Variants in MAGI2 observed in about 807,000 individuals in gnomAD.
MAGI2 encodes membrane associated guanylate kinase, WW and PDZ domain containing 2.
MAGI2 carries 35 observed loss-of-function variants against 133.3 expected under a neutral mutation model. The observed-to-expected ratio is 0.26, with a 90% CI of 0.20 to 0.35. MAGI2 has a LOEUF of 0.35. Ranked by LOEUF, MAGI2 falls within the 10% of genes least tolerant of loss-of-function variation. The pLI is 1.00. For synonymous variants in MAGI2, 729 were observed against 710.6 expected, an observed-to-expected ratio of 1.03 and a Z score of -0.41; for missense variants, 1,636 against 1,863.4, an observed-to-expected ratio of 0.88 and a Z score of 2.25.
Position 79,324,669 on chromosome 7 carries a change from AAT to A in MAGI2, c.301+128349_301+128350del, listed in dbSNP as rs869183875. Reference sequence around the variant, plus strand: ...ATATATATATATTATATATATATAAAATATATATATATTATATATATATAAAA... The same window carrying A: ...ATATATATATATTATATATATATAAAATATATATATTATATATATATAAAA... On this transcript the variant is annotated intron_variant, in intron 1 of 21. Coordinates refer to ENST00000354212, the MANE Select transcript of MAGI2 (RefSeq NM_012301.4). 1.5e-3 allele frequency among the ~76,000 whole-genome samples: 12 copies of A among 8,162 alleles called. 4 individuals are homozygous for A. Among genetic ancestry groups the A allele is most frequent in the African/African-American group, 3.7e-3 (12 of 3,204 alleles). The allele number at this position is 8,162 out of a possible 152,430, so 5.4% of individuals were successfully genotyped here. A position where few individuals can be genotyped will look rare whatever the true frequency, so the allele number is the denominator to read the frequency against.
intron 2 of MAGI2, among the ~76,000 whole-genome samples, chr7:78,693,256 T>C (rs1271843503): frequency 1.3e-5 from 2 of 152,174 alleles, no homozygotes; most frequent in Non-Finnish European, 2.9e-5. Flanking sequence ...AAGCACATAA[T>C]ATAGTGCTGG....
intron 2 of MAGI2, among the ~76,000 whole-genome samples, chr7:78,842,916 A>G (rs1792269710): frequency 6.6e-6 from 1 of 151,846 alleles, no homozygotes; most frequent in Non-Finnish European, 1.5e-5. Context: ...GGTTTATCTT[A>G]CACATGAGTA....
In MAGI2 at chr7:79,174,774, C is replaced by A. The variant is rs994806301; in HGVS notation, c.302-167568G>T. 7.3e-5 allele frequency among the ~76,000 whole-genome samples: 11 copies of A among 151,448 alleles called. 1 individual carries two copies. Among genetic ancestry groups the A allele is most frequent in the African/African-American group, 2.4e-4 (10 of 41,090 alleles). ...TGTAGAAAAAATATATAACTGAATA[C>A]AAAATGTTTACTTTCAAAAAAGTAA... is the stretch of plus-strand genomic sequence containing the variant. On this transcript the variant is annotated intron_variant, in intron 1 of 21. Coordinates refer to ENST00000354212, the MANE Select transcript of MAGI2 (RefSeq NM_012301.4).
chr7:78,269,192 G>A (rs1794320424), intron 9 of MAGI2, among the ~76,000 whole-genome samples: 1 of 152,080 alleles, frequency 6.6e-6, no homozygotes, highest in Admixed American at 6.6e-5. Flanking sequence ...TCACTGATGG[G>A]CATTTGGGTT....
At chr7:79,147,863 G>A (rs573733201) in intron 1 of MAGI2, among the ~76,000 whole-genome samples, 12 of 152,240 alleles carry the variant, frequency 7.9e-5, no homozygotes, top group Middle Eastern at 3.4e-3. Flanking sequence ...CTTGTCCTCC[G>A]GCCAGGTATG....
At chr7:78,889,825 G>A (rs1796591908) in intron 2 of MAGI2, among the ~76,000 whole-genome samples, 1 of 152,072 alleles carries the variant, frequency 6.6e-6, no homozygotes, top group Non-Finnish European at 1.5e-5. Flanking sequence ...ATCAACTAAC[G>A]AGCAAAATAA....
intron 3 of MAGI2, among the ~76,000 whole-genome samples, chr7:78,623,982 T>C (rs966737668): frequency 1.3e-5 from 2 of 152,122 alleles, no homozygotes; most frequent in Non-Finnish European, 2.9e-5. Context: ...TACAGCAACC[T>C]CACTAGCATC....
intron 15 of MAGI2, among the ~76,000 whole-genome samples, chr7:78,161,181 C>G (rs1218174065): frequency 1.3e-5 from 2 of 152,108 alleles, no homozygotes; most frequent in Non-Finnish European, 2.9e-5. Context: ...ATAAACCAAA[C>G]TAATACTTTC....
At chr7:78,399,001 T>C (rs1378823238) in intron 6 of MAGI2, among the ~76,000 whole-genome samples, 1 of 152,220 alleles carries the variant, frequency 6.6e-6, no homozygotes, top group East Asian at 1.9e-4. Context: ...TACCAGGCAA[T>C]ACTTTCCAGT....
intron 6 of MAGI2, among the ~76,000 whole-genome samples, chr7:78,448,106 T>G (rs1430413108): frequency 1.3e-5 from 2 of 152,108 alleles, no homozygotes; most frequent in Non-Finnish European, 2.9e-5. Context: ...GATTTCCTTC[T>G]TTTTATGACT....
intron 10 of MAGI2, among the ~76,000 whole-genome samples, chr7:78,239,024 G>C (rs908359392): frequency 1.3e-5 from 2 of 149,602 alleles, no homozygotes; most frequent in Non-Finnish European, 3.0e-5. Context: ...AAAATCTTCT[G>C]CTTGCATGGG....
At chr7:79,158,833 T>A (rs1316691479) in intron 1 of MAGI2, among the ~76,000 whole-genome samples, 1 of 152,100 alleles carries the variant, frequency 6.6e-6, no homozygotes, top group African/African-American at 2.4e-5. Context: ...ACAAATGTCA[T>A]AATTTAGAAT....
At chr7:79,378,967 T>TAC (rs1278511771) in intron 1 of MAGI2, among the ~76,000 whole-genome samples, 21 of 94,674 alleles carry the variant, frequency 2.2e-4, no homozygotes, top group Admixed American at 7.2e-4. Flanking sequence ...TATATATATA[T>TAC]ATATTAAACT....
At chr7:79,164,883 T>C (rs1824768589) in intron 1 of MAGI2, among the ~76,000 whole-genome samples, 1 of 152,104 alleles carries the variant, frequency 6.6e-6, no homozygotes, top group South Asian at 2.1e-4. Flanking sequence ...CACTCATATT[T>C]GGCTCAGAAT....
intron 2 of MAGI2, among the ~76,000 whole-genome samples, chr7:78,638,610 A>T (rs1809931106): frequency 6.6e-6 from 1 of 152,188 alleles, no homozygotes; most frequent in Non-Finnish European, 1.5e-5. Context: ...ATCCATTCTT[A>T]CAATATACAG....
At chr7:79,440,128 C>A (rs532292105) in intron 1 of MAGI2, among the ~76,000 whole-genome samples, 95 of 151,966 alleles carry the variant, frequency 6.3e-4, no homozygotes, top group African/African-American at 2.2e-3. Context: ...TCCTGGGATC[C>A]CCTGGCTTTT....
chr7:79,425,486 C>A (rs1439360543), intron 1 of MAGI2, among the ~76,000 whole-genome samples: 2 of 151,394 alleles, frequency 1.3e-5, no homozygotes, highest in Non-Finnish European at 2.9e-5. Context: ...TGGGGGTTCT[C>A]TAGTACTTCC....
intron 21 of MAGI2, among the ~76,000 whole-genome samples, chr7:78,033,057 G>A (rs1166000625): frequency 1.3e-5 from 2 of 152,172 alleles, no homozygotes; most frequent in Non-Finnish European, 2.9e-5. Context: ...ATTGCAGGTG[G>A]AATCAAGAAC....
chr7:78,885,610 T>C (rs1307860192), intron 2 of MAGI2, among the ~76,000 whole-genome samples: 1 of 140,516 alleles, frequency 7.1e-6, no homozygotes, highest in Admixed American at 7.4e-5. Flanking sequence ...CAACTGAGCA[T>C]CCTTTATTGA....
Sources: gnomAD v4.1 joint callset for allele counts (sites outside exome capture counted in the v4.1 genomes callset) on GRCh38, gnomAD v4.1.1 for gene constraint, MANE v1.5 for transcripts, NCBI Gene and HGNC (gene_info 2026-07-23, HGNC 2026-07-21) for gene names.